SUZ12: variants seen among roughly 807,000 people sequenced by gnomAD.
SUZ12 encodes polycomb protein SUZ12.
Under a neutral mutation model 87.3 loss-of-function variants are expected in SUZ12, and 17 were observed. The observed-to-expected ratio is 0.19, with a 90% CI of 0.13 to 0.29. The LOEUF is 0.29. Among genes scored for constraint, SUZ12 ranks in the 10% least tolerant of loss-of-function variants. The pLI is 1.00. For synonymous variants in SUZ12, 253 were observed against 312.4 expected, an observed-to-expected ratio of 0.81 and a Z score of 2.01; for missense variants, 526 against 912.2, an observed-to-expected ratio of 0.58 and a Z score of 5.45.
At chr17:31,974,718 G>C (rs951240672) in intron 6 of SUZ12, among the ~76,000 whole-genome samples, 3 of 152,118 alleles carry the variant, frequency 2.0e-5, no homozygotes, top group Non-Finnish European at 4.4e-5. Flanking sequence ...GGGTGGGTGA[G>C]AATTCATAGT....
At position 31,988,407 on chromosome 17, in the gene SUZ12, G is replaced by T; in HGVS notation, c.1111G>T (p.Ala371Ser). 1 of 1,613,652 alleles carries T rather than the reference G, an allele frequency of 6.2e-7. No homozygotes were observed. The highest frequency in any genetic ancestry group is 8.5e-7 in the Non-Finnish European group (1 of 1,179,882). The change falls in exon 10 of 16, where the codon GCT becomes TCT. Residue 371 changes from alanine (A) to serine (S), a missense_variant. Coordinates refer to ENST00000322652, the MANE Select transcript of SUZ12 (RefSeq NM_015355.4). Reference sequence around the variant, plus strand: ...AGGAGAGACCAATGATAAATCTACGGCTCCTATTGCCAAACCTCTTGCCAC... The same window carrying T: ...AGGAGAGACCAATGATAAATCTACGTCTCCTATTGCCAAACCTCTTGCCAC... ...WTGETNDKST[A>S]PIAKPLATRN...
chr17:31,975,754 G>A, intron 7 of SUZ12, 41 bp downstream of exon 7: 2 of 1,462,174 alleles, frequency 1.4e-6, no homozygotes, highest in Non-Finnish European at 1.9e-6. Flanking sequence ...TGGAGACTAA[G>A]ATGGTCATTG....
rs536876490 is a variant in SUZ12, at chr17:31,999,782, T to G, written c.*779T>G. 8 of 232,488 alleles carry G rather than the reference T, an allele frequency of 3.4e-5. No individual in the cohort carries two copies. In the Admixed American group the frequency reaches 3.9e-4, roughly 11 times the overall value. The allele number at this position is 232,488 out of a possible 1,614,324, so 14.4% of individuals were successfully genotyped here. A position where few individuals can be genotyped will look rare whatever the true frequency, so the allele number is the denominator to read the frequency against. On this transcript the variant is annotated 3_prime_UTR_variant, in exon 16 of 16. Transcript: ENST00000322652. ...AACTTGAACATTTTGCTTGTTTTGT[T>G]TTTCTTTTTTAATTAGATAATCACA...
chr17:31,955,727 G>A (rs200945251), intron 4 of SUZ12, among the ~76,000 whole-genome samples: 64 of 151,662 alleles, frequency 4.2e-4, no homozygotes, highest in East Asian at 2.4e-3. Flanking sequence ...CAGCATGGGC[G>A]ACAGAGTGAG....
rs1259202297 is a variant in SUZ12, at chr17:31,937,107, C to T, written c.-140C>T. On this transcript the variant is annotated 5_prime_UTR_variant, in exon 1 of 16. Coordinates refer to ENST00000322652, the MANE Select transcript of SUZ12 (RefSeq NM_015355.4). ...TCCTTCCCTCCTCTCCTCCTCCCTTCCCTTCCCCTCTCCTCCCCTCTCTCC... is the reference window on the plus strand; with the variant it reads ...TCCTTCCCTCCTCTCCTCCTCCCTTTCCTTCCCCTCTCCTCCCCTCTCTCC... The T allele has an allele frequency of 2.9e-5, 20 of 689,086 alleles. No individual in the cohort carries two copies. Among genetic ancestry groups the T allele is most frequent in the Non-Finnish European group, 3.8e-5 (18 of 468,178 alleles). The allele number at this position is 689,086 out of a possible 1,614,324, so 42.7% of individuals were successfully genotyped here.
chr17:31,955,841 C>T (rs1907292244), intron 4 of SUZ12, among the ~76,000 whole-genome samples: 1 of 152,148 alleles, frequency 6.6e-6, no homozygotes, highest in Middle Eastern at 3.4e-3. Flanking sequence ...CTCAGCCTCT[C>T]AAAGCATTGA....
chr17:31,974,097 C>CCTGTA (rs556159662), intron 6 of SUZ12, among the ~76,000 whole-genome samples: 62 of 152,200 alleles, frequency 4.1e-4, no homozygotes, highest in African/African-American at 1.5e-3. Context: ...ATGGCCTGTG[C>CCTGTA]CTGTAGTCCC....
chr17:31,992,153 G>T (rs1487304639), intron 10 of SUZ12, among the ~76,000 whole-genome samples: 3 of 151,736 alleles, frequency 2.0e-5, no homozygotes, highest in Non-Finnish European at 2.9e-5. Flanking sequence ...TCAGCCGGGT[G>T]TGGTGGCGGG....
intron 10 of SUZ12, among the ~76,000 whole-genome samples, chr17:31,989,381 G>C (rs1909583836): frequency 6.6e-6 from 1 of 151,234 alleles, no homozygotes; most frequent in African/African-American, 2.4e-5. Context: ...CTAGAAATTT[G>C]AATTGAAAAA....
chr17:31,995,882 C>G, intron 14 of SUZ12, 120 bp downstream of exon 14: 1 of 763,478 alleles, frequency 1.3e-6, no homozygotes, highest in Non-Finnish European at 2.1e-6. Flanking sequence ...AAAAGGAATC[C>G]GGAAATGTAC....
At chr17:31,941,751 G>T (rs910810088) in intron 3 of SUZ12, among the ~76,000 whole-genome samples, 4 of 151,570 alleles carry the variant, frequency 2.6e-5, no homozygotes, top group Admixed American at 2.6e-4. Context: ...GGGTTTCTCT[G>T]TGTTAGCCAG....
intron 4 of SUZ12, among the ~76,000 whole-genome samples, chr17:31,951,841 C>G (rs1287807974): frequency 6.8e-6 from 1 of 146,994 alleles, no homozygotes; most frequent in Non-Finnish European, 1.5e-5. Flanking sequence ...GTGGTGCGAT[C>G]TTGGCTCACT....
chr17:31,959,193 T>G (rs1907552231), intron 4 of SUZ12, among the ~76,000 whole-genome samples: 1 of 152,200 alleles, frequency 6.6e-6, no homozygotes, highest in South Asian at 2.1e-4. Flanking sequence ...TTTTGTTCTT[T>G]TTTCAGAACC....
intron 1 of SUZ12, among the ~76,000 whole-genome samples, chr17:31,939,605 C>G (rs1164406823): frequency 6.6e-6 from 1 of 151,742 alleles, no homozygotes; most frequent in Non-Finnish European, 1.5e-5. Flanking sequence ...CTCACGGCAG[C>G]CTCCGCCTCC....
chr17:31,990,030 C>T (rs1321589679), intron 10 of SUZ12, among the ~76,000 whole-genome samples: 1 of 150,326 alleles, frequency 6.7e-6, no homozygotes, highest in Non-Finnish European at 1.5e-5. Context: ...TCTCAGCTCA[C>T]TGCAAGCTCC....
At chr17:31,962,317 G>T (rs557042752) in intron 4 of SUZ12, among the ~76,000 whole-genome samples, 1 of 152,104 alleles carries the variant, frequency 6.6e-6, no homozygotes, top group East Asian at 1.9e-4. Flanking sequence ...CAGGCCAGGC[G>T]CAGTGGCTCA....
At chr17:31,942,445 C>G (rs1407665918) in intron 3 of SUZ12, among the ~76,000 whole-genome samples, 1 of 151,914 alleles carries the variant, frequency 6.6e-6, no homozygotes, top group Non-Finnish European at 1.5e-5. Context: ...AAGGGATTAT[C>G]CTGTCTCAGC....
rs191711992 is a variant in SUZ12, at chr17:31,962,449, G to C, written c.456-3698G>C. Among the ~76,000 whole-genome samples the C allele has an allele frequency of 1.7e-3, 260 of 152,238 alleles. 1 individual carries two copies. The highest frequency in any genetic ancestry group is 8.3e-4 in the South Asian group (4 of 4,814). Reference sequence around the variant, plus strand: ...CCACAAACATGTAAAAATTAGCCAGGCATGATGGTGCATGCCTATAGTCTC... The same window carrying C: ...CCACAAACATGTAAAAATTAGCCAGCCATGATGGTGCATGCCTATAGTCTC... On this transcript the variant is annotated intron_variant, in intron 4 of 15. Coordinates refer to ENST00000322652, the MANE Select transcript of SUZ12 (RefSeq NM_015355.4).
At chr17:31,960,165 C>T (rs926816268) in intron 4 of SUZ12, among the ~76,000 whole-genome samples, 1 of 151,962 alleles carries the variant, frequency 6.6e-6, no homozygotes, top group Non-Finnish European at 1.5e-5. Flanking sequence ...AACAAACCAC[C>T]TATGGAAGGG....
Sources: gnomAD v4.1 joint callset for allele counts (sites outside exome capture counted in the v4.1 genomes callset) on GRCh38, gnomAD v4.1.1 for gene constraint, MANE v1.5 for transcripts, NCBI Gene and HGNC (gene_info 2026-07-23, HGNC 2026-07-21) for gene names.